CDK6: variants seen among roughly 807,000 people sequenced by gnomAD.
CDK6 encodes cyclin-dependent kinase 6.
CDK6 carries 6 observed loss-of-function variants against 37.1 expected under a neutral mutation model. The ratio of observed to expected loss-of-function variants is 0.16; its 90% confidence interval spans 0.09 to 0.32. The LOEUF is 0.32. Ranked by LOEUF, CDK6 falls within the 10% of genes least tolerant of loss-of-function variation. The pLI is 1.00. For synonymous variants in CDK6, 160 were observed against 161.3 expected, an observed-to-expected ratio of 0.99 and a Z score of 0.06; for missense variants, 224 against 418.9, an observed-to-expected ratio of 0.53 and a Z score of 4.06.
At chr7:92,617,593 TC>T (rs1795708970) in intron 7 of CDK6, among the ~76,000 whole-genome samples, 1 of 152,116 alleles carries the variant, frequency 6.6e-6, no homozygotes, top group Admixed American at 6.5e-5. Context: ...ATTTTATATG[TC>T]CCTGGCACAC....
chr7:92,704,731 T>A (rs1050872330), intron 4 of CDK6, among the ~76,000 whole-genome samples: 4 of 152,206 alleles, frequency 2.6e-5, no homozygotes, highest in African/African-American at 9.6e-5. Flanking sequence ...AATTTAATCA[T>A]TCCTTTGTAT....
chr7:92,723,659 C>T (rs1039721384), intron 4 of CDK6, among the ~76,000 whole-genome samples: 6 of 152,002 alleles, frequency 3.9e-5, no homozygotes, highest in Admixed American at 6.5e-5. Context: ...AAATTCCAAC[C>T]GTCACTCTTT....
At chr7:92,768,115 G>T (rs191077641) in intron 3 of CDK6, among the ~76,000 whole-genome samples, 1 of 152,218 alleles carries the variant, frequency 6.6e-6, no homozygotes, top group African/African-American at 2.4e-5. Context: ...TAAGGCCAGG[G>T]TAAGCTGGGG....
At chr7:92,625,219 A>AACACACACACAC (rs71699291) in intron 5 of CDK6, among the ~76,000 whole-genome samples, 10 of 141,990 alleles carry the variant, frequency 7.0e-5, no homozygotes, top group African/African-American at 1.3e-4. Context: ...GTGGTAACTA[A>AACACACACACAC]ACACACACAC....
chr7:92,774,462 T>C (rs557861441), intron 3 of CDK6, among the ~76,000 whole-genome samples: 4 of 152,336 alleles, frequency 2.6e-5, no homozygotes, highest in African/African-American at 4.8e-5. Flanking sequence ...GGTTTTTTTT[T>C]CCACTTAGTT....
intron 4 of CDK6, among the ~76,000 whole-genome samples, chr7:92,674,669 ACTGT>A (rs1441827979): frequency 6.6e-6 from 1 of 152,196 alleles, no homozygotes; most frequent in Non-Finnish European, 1.5e-5. Context: ...GCAGGTGCAA[ACTGT>A]CTGTAAGGTT....
intron 4 of CDK6, among the ~76,000 whole-genome samples, chr7:92,687,697 C>A: frequency 6.6e-6 from 1 of 152,144 alleles, no homozygotes; most frequent in East Asian, 1.9e-4. Flanking sequence ...GTACACAAAT[C>A]TTAACATGTT....
At position 92,609,866 on chromosome 7, in the gene CDK6, G is replaced by T. The variant is rs1795523578; in HGVS notation, c.*5274C>A. The T allele has an allele frequency of 4.3e-6, 1 of 230,224 alleles. No homozygotes were observed. The highest frequency in any genetic ancestry group is 2.2e-5 in the African/African-American group (1 of 45,172). 14.3% of individuals were successfully genotyped at this position (230,224 alleles called of 1,614,324 possible). A position where few individuals can be genotyped will look rare whatever the true frequency, so the allele number is the denominator to read the frequency against. On this transcript the variant is annotated 3_prime_UTR_variant, in exon 8 of 8. Transcript: ENST00000424848. ...TTTCTTTACTTAAATGATCAAAATG[G>T]GTGTATTATCCATCCTTAAGAACAA...
chr7:92,764,717 T>C (rs1486850168), intron 3 of CDK6, among the ~76,000 whole-genome samples: 1 of 152,220 alleles, frequency 6.6e-6, no homozygotes, highest in African/African-American at 2.4e-5. Flanking sequence ...TTTGCAAGGC[T>C]TCATTATACA....
At chr7:92,698,488 A>G (rs1377922146) in intron 4 of CDK6, among the ~76,000 whole-genome samples, 1 of 151,952 alleles carries the variant, frequency 6.6e-6, no homozygotes, top group East Asian at 1.9e-4. Flanking sequence ...TCCAGATGCC[A>G]TTTTCCCCCT....
Position 92,611,879 on chromosome 7 carries a change from G to A in CDK6, c.*3261C>T. On this transcript the variant is annotated 3_prime_UTR_variant, in exon 8 of 8. Transcript: ENST00000424848. ...CTGCCATTCACAGTGTGTGCTTCCT[G>A]AGAGAAAATCATGAGAATACAGGGG... 1 of 232,494 alleles carries A rather than the reference G, an allele frequency of 4.3e-6. No individual in the cohort carries two copies. The highest frequency in any genetic ancestry group is 8.5e-6 in the Non-Finnish European group (1 of 117,608). 14.4% of individuals were successfully genotyped at this position (232,494 alleles called of 1,614,324 possible). A position where few individuals can be genotyped will look rare whatever the true frequency, so the allele number is the denominator to read the frequency against.
At chr7:92,761,712 A>T (rs1799460953) in intron 3 of CDK6, among the ~76,000 whole-genome samples, 1 of 152,210 alleles carries the variant, frequency 6.6e-6, no homozygotes, top group African/African-American at 2.4e-5. Flanking sequence ...TAATTATAGA[A>T]CTTGGTGATA....
At chr7:92,625,330 G>T (rs1795901888) in intron 5 of CDK6, among the ~76,000 whole-genome samples, 1 of 151,352 alleles carries the variant, frequency 6.6e-6, no homozygotes, top group Non-Finnish European at 1.5e-5. Context: ...TAGAAAGGAA[G>T]GAACCATTTG....
intron 4 of CDK6, among the ~76,000 whole-genome samples, chr7:92,706,983 ACT>A (rs1797981814): frequency 6.6e-6 from 1 of 152,142 alleles, no homozygotes; most frequent in Non-Finnish European, 1.5e-5. Flanking sequence ...TACCAGAAAC[ACT>A]CTCTCTTTTG....
At chr7:92,708,993 T>C (rs1413305387) in intron 4 of CDK6, among the ~76,000 whole-genome samples, 1 of 152,196 alleles carries the variant, frequency 6.6e-6, no homozygotes, top group Non-Finnish European at 1.5e-5. Flanking sequence ...TTTAAATAAA[T>C]ATATTTTTAT....
intron 4 of CDK6, among the ~76,000 whole-genome samples, chr7:92,718,894 T>C (rs2116696403): frequency 6.6e-6 from 1 of 152,358 alleles, no homozygotes. Context: ...TCTGACCTTG[T>C]CCATTTCCAT....
At position 92,612,953 on chromosome 7, in the gene CDK6, C is replaced by A. The variant is rs562510079; in HGVS notation, c.*2187G>T. On this transcript the variant is annotated 3_prime_UTR_variant, in exon 8 of 8. Transcript: ENST00000424848. ...TCGATCAAAGGAAAGGCAGAACTCA[C>A]TTTTCCATGTGAGACTTTGAGTAGA... The A allele has an allele frequency of 6.9e-5, 16 of 232,972 alleles. No individual in the cohort carries two copies. Among genetic ancestry groups the A allele is most frequent in the African/African-American group, 3.5e-4 (16 of 45,348 alleles). The allele number at this position is 232,972 out of a possible 1,614,324, so 14.4% of individuals were successfully genotyped here.
chr7:92,769,568 T>C (rs187874843), intron 3 of CDK6, among the ~76,000 whole-genome samples: 8 of 152,284 alleles, frequency 5.3e-5, no homozygotes, highest in Middle Eastern at 3.4e-3. Flanking sequence ...AAAGAGTTTA[T>C]AAAATAGTTG....
At chr7:92,704,555 G>A (rs2116667950) in intron 4 of CDK6, among the ~76,000 whole-genome samples, 1 of 152,144 alleles carries the variant, frequency 6.6e-6, no homozygotes, top group African/African-American at 2.4e-5. Context: ...ATAATATTTA[G>A]ATTTGCTTTA....
Sources: allele counts gnomAD v4.1 joint callset (sites outside exome capture counted in the v4.1 genomes callset), GRCh38; gene constraint gnomAD v4.1.1; transcripts MANE v1.5; gene names NCBI Gene and HGNC (gene_info 2026-07-23, HGNC 2026-07-21).